Variants in RP1 observed in about 807,000 individuals in gnomAD.
RP1 encodes oxygen-regulated protein 1.
RP1 carries 16 observed loss-of-function variants against 14.8 expected under a neutral mutation model. The ratio of observed to expected loss-of-function variants is 1.08; its 90% confidence interval spans 0.73 to 1.65. The LOEUF (loss-of-function observed/expected upper bound fraction) is 1.65, where lower values mean the gene tolerates loss of function less well. Among genes scored for constraint, RP1 ranks in the 40% most tolerant of loss-of-function variants. The pLI is 0.00. For synonymous variants in RP1, 876 were observed against 883.6 expected (o/e 0.99, Z 0.15); for missense variants, 2,631 against 2,535.0 (o/e 1.04, Z -0.81).
chr8:54,755,059 T>C, intron 20 of RP1: 1 of 1,060,458 alleles, frequency 9.4e-7, no homozygotes, highest in Middle Eastern at 2.5e-4. Flanking sequence ...TGTTTTACTC[T>C]TGAGAAGTGA....
At chr8:54,709,289 G>A (rs1268541587) in intron 15 of RP1, among the ~76,000 whole-genome samples, 1 of 152,166 alleles carries the variant, frequency 6.6e-6, no homozygotes, top group Non-Finnish European at 1.5e-5. Context: ...TGAAATGGGT[G>A]GGAGAACACT....
chr8:54,801,542 A>T (rs1810707291), intron 24 of RP1, among the ~76,000 whole-genome samples: 1 of 151,834 alleles, frequency 6.6e-6, no homozygotes, highest in Non-Finnish European at 1.5e-5. Context: ...TCTGTTCCAC[A>T]GGGGAGATAG....
chr8:54,574,860 C>T (rs1448573779), intron 1 of RP1, among the ~76,000 whole-genome samples: 6 of 152,134 alleles, frequency 3.9e-5, no homozygotes, highest in Non-Finnish European at 5.9e-5. Context: ...TGGGGCCCTG[C>T]CACCTATTTT....
At chr8:54,676,150 G>C (rs1807291296) in intron 8 of RP1, among the ~76,000 whole-genome samples, 1 of 152,038 alleles carries the variant, frequency 6.6e-6, no homozygotes, top group Admixed American at 6.6e-5. Flanking sequence ...AATTTTAGGG[G>C]GACAAGTATA....
At chr8:54,643,560 T>C (rs1806491445) in intron 3 of RP1, among the ~76,000 whole-genome samples, 1 of 152,242 alleles carries the variant, frequency 6.6e-6, no homozygotes, top group African/African-American at 2.4e-5. Context: ...GTTGTATTCA[T>C]TATGTAACAC....
At chr8:54,601,622 G>A (rs114275411) in intron 1 of RP1, among the ~76,000 whole-genome samples, 4,545 of 147,452 alleles carry the variant, frequency 0.031, 229 homozygotes, top group African/African-American at 0.11. Flanking sequence ...AGAAAGAAGC[G>A]ATAGTACCAA....
intron 1 of RP1, among the ~76,000 whole-genome samples, chr8:54,576,189 C>A (rs1804637787): frequency 6.6e-6 from 1 of 152,092 alleles, no homozygotes; most frequent in African/African-American, 2.4e-5. Context: ...TACAGGCGCG[C>A]GCCACCACGC....
chr8:54,592,277 GA>G (rs1805057808), intron 1 of RP1, among the ~76,000 whole-genome samples: 1 of 152,188 alleles, frequency 6.6e-6, no homozygotes, highest in African/African-American at 2.4e-5. Flanking sequence ...TGCAATTTGG[GA>G]GAGAGCAAGG....
chr8:54,562,425 C>G (rs759226151), intron 1 of RP1, among the ~76,000 whole-genome samples: 8 of 152,146 alleles, frequency 5.3e-5, no homozygotes, highest in Admixed American at 1.3e-4. Context: ...TGGTGGCTCA[C>G]GCCTGTAATC....
intron 7 of RP1, among the ~76,000 whole-genome samples, chr8:54,669,317 C>G (rs889156109): frequency 1.3e-5 from 2 of 152,164 alleles, no homozygotes; most frequent in African/African-American, 4.8e-5. Context: ...CAAATTAAAA[C>G]CACAATGAGA....
At chr8:54,642,702 G>A (rs899613200) in intron 3 of RP1, among the ~76,000 whole-genome samples, 2 of 152,054 alleles carry the variant, frequency 1.3e-5, no homozygotes, top group African/African-American at 4.8e-5. Context: ...GTTTGGCGTC[G>A]TTCTGAGTAT....
At chr8:54,854,629 C>T (rs1320866888) in intron 26 of RP1, among the ~76,000 whole-genome samples, 1 of 152,054 alleles carries the variant, frequency 6.6e-6, no homozygotes, top group Admixed American at 6.5e-5. Flanking sequence ...CTTTGGGAGG[C>T]CGAGGTGGGT....
intron 1 of RP1, among the ~76,000 whole-genome samples, chr8:54,590,235 C>A (rs924114486): frequency 1.3e-5 from 2 of 152,196 alleles, no homozygotes; most frequent in African/African-American, 4.8e-5. Context: ...CAGAGAACAT[C>A]CTCCTTTGAT....
chr8:54,722,643 C>T (rs6983281), intron 16 of RP1, among the ~76,000 whole-genome samples: 9,587 of 152,094 alleles, frequency 0.063, 936 homozygotes, highest in African/African-American at 0.21. Flanking sequence ...TATTTTAATA[C>T]AGAGATAGAG....
chr8:54,728,658 A>G (rs551767785), intron 17 of RP1, among the ~76,000 whole-genome samples: 1 of 152,194 alleles, frequency 6.6e-6, no homozygotes, highest in African/African-American at 2.4e-5. Flanking sequence ...TAGCACATAT[A>G]TGATAAATAG....
chr8:54,658,803 C>T (rs1806814185), intron 6 of RP1, among the ~76,000 whole-genome samples: 1 of 151,734 alleles, frequency 6.6e-6, no homozygotes, highest in Non-Finnish European at 1.5e-5. Flanking sequence ...TTTTGAGGAA[C>T]CTCCTTACCT....
At chr8:54,802,547 TC>T (rs1810739052) in intron 24 of RP1, among the ~76,000 whole-genome samples, 1 of 152,238 alleles carries the variant, frequency 6.6e-6, no homozygotes, top group African/African-American at 2.4e-5. Context: ...AAATGTTTTA[TC>T]CACTTTCTCA....
At chr8:54,718,897 G>A (rs950245375) in intron 15 of RP1, among the ~76,000 whole-genome samples, 24 of 152,128 alleles carry the variant, frequency 1.6e-4, no homozygotes, top group African/African-American at 5.1e-4. Flanking sequence ...CAGTTATTCT[G>A]TATGCCATTG....
intron 25 of RP1, among the ~76,000 whole-genome samples, chr8:54,847,111 C>G (rs1811941122): frequency 6.6e-6 from 1 of 151,850 alleles, no homozygotes; most frequent in African/African-American, 2.4e-5. Flanking sequence ...TCTCTCAGGT[C>G]AAGTCAGAGA....
Sources: gnomAD v4.1 joint callset for allele counts (sites outside exome capture counted in the v4.1 genomes callset) on GRCh38, gnomAD v4.1.1 for gene constraint, MANE v1.5 for transcripts, NCBI Gene and HGNC (gene_info 2026-07-23, HGNC 2026-07-21) for gene names.